The following PM20D2 variants were observed in gnomAD, a reference collection of about 807,000 sequenced individuals.
The protein encoded by PM20D2 is peptidase M20 domain containing 2.
PM20D2 carries 33 observed loss-of-function variants against 42.9 expected under a neutral mutation model. The ratio of observed to expected loss-of-function variants is 0.77; its 90% CI spans 0.58 to 1.03. The LOEUF (loss-of-function observed/expected upper bound fraction) is 1.03. Among genes scored for constraint, PM20D2 ranks in the 50% least tolerant of loss-of-function variants. PM20D2 has a pLI of 0.00. For synonymous variants in PM20D2, 250 were observed against 228.2 expected (o/e 1.10, Z -0.86); for missense variants, 548 against 557.0 (o/e 0.98, Z 0.16).
Position 89,154,793 on chromosome 6 carries a change from A to C in PM20D2, c.803A>C (p.Tyr268Ser), listed in dbSNP as rs1314014726. 2 of 1,592,852 alleles carry C rather than the reference A, an allele frequency of 1.3e-6. No individual in the cohort carries two copies. Among genetic ancestry groups the C allele is most frequent in the Non-Finnish European group, 1.7e-6 (2 of 1,170,000 alleles). The change falls in exon 4 of 7, where the codon TAT becomes TCT. Residue 268 changes from tyrosine (Y) to serine (S), a missense_variant. Around this residue, in one of 3 missense-constraint regions of PM20D2, gnomAD observed 470 missense variants for 464.4 expected, o/e 1.01. Transcript: ENST00000275072. ...GGVKPNIIPS[Y>S]SELIYYFRAP... ...GTAAAACCCAATATCATTCCCTCTTATTCTGAATTAATCTATTACTTCCGT... is the reference window on the plus strand; with the variant it reads ...GTAAAACCCAATATCATTCCCTCTTCTTCTGAATTAATCTATTACTTCCGT...
chr6:89,140,431 C>T, the PM20D2 span, among the ~76,000 whole-genome samples: 1 of 152,118 alleles, frequency 6.6e-6, no homozygotes, highest in South Asian at 2.1e-4. Context: ...AGAAGTGAAT[C>T]CTTAGTAAAG....
At chr6:89,148,866 G>A (rs1223264243) in intron 1 of PM20D2, among the ~76,000 whole-genome samples, 2 of 152,148 alleles carry the variant, frequency 1.3e-5, no homozygotes, top group Non-Finnish European at 2.9e-5. Flanking sequence ...TTAACAGAAA[G>A]TTTCTGACTC....
the PM20D2 span, among the ~76,000 whole-genome samples, chr6:89,094,136 G>A: frequency 6.6e-6 from 1 of 151,678 alleles, no homozygotes; most frequent in Non-Finnish European, 1.5e-5. Flanking sequence ...GGCCATGCTG[G>A]TCTCGAACTC....
At chr6:89,099,409 T>TATACAC in the PM20D2 span, among the ~76,000 whole-genome samples, 20 of 90,738 alleles carry the variant, frequency 2.2e-4, 2 homozygotes, top group East Asian at 6.8e-4. Flanking sequence ...TCTCCATATA[T>TATACAC]ATATACATAT....
intron 4 of PM20D2, among the ~76,000 whole-genome samples, 161 bp from the exon 5 acceptor site, chr6:89,158,164 T>A (rs1401917559): frequency 6.6e-6 from 1 of 152,174 alleles, no homozygotes; most frequent in Non-Finnish European, 1.5e-5. Context: ...AAAATAAATC[T>A]TTTTTCTTTT....
At chr6:89,115,638 T>C in the PM20D2 span, among the ~76,000 whole-genome samples, 10 of 145,946 alleles carry the variant, frequency 6.9e-5, no homozygotes, top group Non-Finnish European at 1.1e-4. Flanking sequence ...TTTCTTTTTT[T>C]TTTTTTTTTT....
chr6:89,113,260 G>C, the PM20D2 span, among the ~76,000 whole-genome samples: 1 of 152,054 alleles, frequency 6.6e-6, no homozygotes, highest in Non-Finnish European at 1.5e-5. Flanking sequence ...TGCAACCTCT[G>C]CCTCCCAGGT....
At chr6:89,099,038 C>A in the PM20D2 span, 1 of 1,408,030 alleles carries the variant, frequency 7.1e-7, no homozygotes, top group South Asian at 1.6e-5. Flanking sequence ...CTTTACATAA[C>A]ATTAGTTATA....
At chr6:89,146,789 G>A (rs1333463129) in intron 1 of PM20D2, among the ~76,000 whole-genome samples, 180 bp downstream of exon 1, 1 of 152,238 alleles carries the variant, frequency 6.6e-6, no homozygotes, top group Non-Finnish European at 1.5e-5. Context: ...TGAACCCCCA[G>A]TCAAAGTCAG....
chr6:89,125,579 A>G, the PM20D2 span, among the ~76,000 whole-genome samples: 1 of 151,578 alleles, frequency 6.6e-6, no homozygotes, highest in Non-Finnish European at 1.5e-5. Context: ...TCAAGAGTTC[A>G]AGACCAGCCT....
At chr6:89,106,545 T>C in the PM20D2 span, 1 of 157,964 alleles carries the variant, frequency 6.3e-6, no homozygotes, top group African/African-American at 2.4e-5. Flanking sequence ...TTATATAATA[T>C]TAAACCTAGC....
chr6:89,143,586 C>T (rs767747109), upstream of PM20D2, among the ~76,000 whole-genome samples: 3 of 152,158 alleles, frequency 2.0e-5, no homozygotes, highest in Non-Finnish European at 4.4e-5. Context: ...GTATTGTTTC[C>T]TCAGATCCAG....
chr6:89,124,070 AT>A, the PM20D2 span, among the ~76,000 whole-genome samples: 24 of 152,322 alleles, frequency 1.6e-4, no homozygotes, highest in South Asian at 4.8e-3. Flanking sequence ...CATGTTGGAA[AT>A]TCCAGCCGAT....
the PM20D2 span, among the ~76,000 whole-genome samples, chr6:89,133,946 T>C: frequency 6.6e-6 from 1 of 151,472 alleles, no homozygotes; most frequent in East Asian, 1.9e-4. Context: ...TGCTGCTAAA[T>C]CTAATTTTAG....
At chr6:89,141,645 C>T (rs1179848015), upstream of PM20D2, among the ~76,000 whole-genome samples, 1 of 152,190 alleles carries the variant, frequency 6.6e-6, no homozygotes, top group Non-Finnish European at 1.5e-5. Context: ...GGATTACAAG[C>T]GTGAGCCACC....
At chr6:89,112,221 C>T in the PM20D2 span, among the ~76,000 whole-genome samples, 1 of 152,056 alleles carries the variant, frequency 6.6e-6, no homozygotes, top group Non-Finnish European at 1.5e-5. Flanking sequence ...CGGCCTAAAA[C>T]TTATTTTTAA....
chr6:89,138,607 TG>T, the PM20D2 span, among the ~76,000 whole-genome samples: 5 of 152,174 alleles, frequency 3.3e-5, no homozygotes, highest in Non-Finnish European at 7.4e-5. Context: ...TGGCTTACTT[TG>T]GGAGGCCAAA....
the PM20D2 span, among the ~76,000 whole-genome samples, chr6:89,133,063 G>C: frequency 2.0e-5 from 3 of 149,828 alleles, no homozygotes; most frequent in African/African-American, 5.0e-5. Flanking sequence ...TTCTACCAAA[G>C]AAATTTTTTT....
At chr6:89,118,508 C>T in the PM20D2 span, among the ~76,000 whole-genome samples, 36 of 152,162 alleles carry the variant, frequency 2.4e-4, no homozygotes, top group Non-Finnish European at 2.4e-4. Context: ...TTAATAGAGA[C>T]GGGGTCTCGC....
Sources: allele counts gnomAD v4.1 joint callset (sites outside exome capture counted in the v4.1 genomes callset), GRCh38; gene constraint gnomAD v4.1.1; regional missense constraint gnomAD v4.1.1; transcripts MANE v1.5; gene names NCBI Gene and HGNC (gene_info 2026-07-23, HGNC 2026-07-21).